The following ITGA7 variants were observed in gnomAD, a reference collection of about 807,000 sequenced individuals.
The protein encoded by ITGA7 is integrin subunit alpha 7, also known as integrin alpha-7.
A neutral mutation model predicts 131.6 loss-of-function variants in ITGA7; 84 were observed. The observed-to-expected ratio is 0.64, with a 90% CI of 0.54 to 0.77. ITGA7 has a LOEUF of 0.77. Among genes scored for constraint, ITGA7 ranks in the 30% least tolerant of loss-of-function variants. The pLI, the probability that ITGA7 is intolerant of heterozygous loss-of-function variation, is 0.00. For missense variants in ITGA7, 1,399 were observed against 1,482.9 expected (o/e 0.94, Z 0.93); for synonymous variants, 548 against 600.7 (o/e 0.91, Z 1.28).
chr12:55,704,790 C>T (rs1186286222), intron 1 of ITGA7, among the ~76,000 whole-genome samples: 5 of 152,164 alleles, frequency 3.3e-5, no homozygotes, highest in Non-Finnish European at 5.9e-5. Flanking sequence ...GTCTCTAGAA[C>T]ACTGAGACCA....
At chr12:55,688,397 C>A in intron 22 of ITGA7, 97 bp from the exon 23 acceptor site, 1 of 936,122 alleles carries the variant, frequency 1.1e-6, no homozygotes, top group South Asian at 1.4e-5. Context: ...GTGCCCAACA[C>A]AGAGGATGTT....
Position 55,696,269 on chromosome 12 carries a change from GA to G in ITGA7, c.1887+13del. 6.4e-7 allele frequency: 1 copy of G among 1,560,700 alleles called. No homozygotes were observed. The highest frequency in any genetic ancestry group is 8.7e-7 in the Non-Finnish European group (1 of 1,153,420). ...CAGCTCCTCCCCCTGGGCTAAACCAGAACCCATGCTCACCTCTGCCCGCTGG... is the reference window on the plus strand; with the variant it reads ...CAGCTCCTCCCCCTGGGCTAAACCAGACCCATGCTCACCTCTGCCCGCTGG... On this transcript the variant is annotated intron_variant, in intron 13 of 24. Transcript: ENST00000257879.
chr12:55,695,517 C>A lies in ITGA7; in HGVS notation c.2003+5G>T. 1 of 1,577,776 alleles carries A rather than the reference C, an allele frequency of 6.3e-7. No homozygotes were observed. Among genetic ancestry groups the A allele is most frequent in the Non-Finnish European group, 8.7e-7 (1 of 1,147,262 alleles). ...CACCCCCACCCTGCTCTCTGCCCCC[C>A]TCACATGGGCAGAGGTTGGAATTCC... On this transcript the variant is annotated splice_donor_5th_base_variant and intron_variant, in intron 14 of 24. Transcript: ENST00000257879.
chr12:55,706,205 A>T (rs866111864), intron 1 of ITGA7, among the ~76,000 whole-genome samples: 4 of 152,332 alleles, frequency 2.6e-5, no homozygotes, highest in Middle Eastern at 3.4e-3. Context: ...TGACAGATGG[A>T]GAAGGAGGGA....
chr12:55,700,339 T>C (rs753827329), intron 4 of ITGA7: 1 of 1,610,778 alleles, frequency 6.2e-7, no homozygotes, highest in Non-Finnish European at 8.5e-7. Context: ...GGGACCGTCG[T>C]CCAGGTGTGC....
Position 55,698,027 on chromosome 12 carries a change from C to G in ITGA7, c.1193-1G>C. The G allele has an allele frequency of 6.2e-7, 1 of 1,614,068 alleles. No individual in the cohort carries two copies. The highest frequency in any genetic ancestry group is 8.5e-7 in the Non-Finnish European group (1 of 1,179,940). On this transcript the variant is annotated splice_acceptor_variant, in intron 7 of 24. Transcript: ENST00000257879. LOFTEE classifies it high-confidence loss of function. ...TCAAAGGGGGCACCCACTGCAATAT[C>G]TGCAGGGCACAGGGAAAAGGCAGTC...
At chr12:55,685,733 C>A (rs1869967777) in intron 24 of ITGA7, among the ~76,000 whole-genome samples, 1 of 152,228 alleles carries the variant, frequency 6.6e-6, no homozygotes, top group Non-Finnish European at 1.5e-5. Flanking sequence ...TGTACTTGTA[C>A]CTTGGGCGGC....
rs149028067 is a variant in ITGA7, at chr12:55,697,030, G to A, written c.1606C>T (p.Leu536Phe). The A allele has an allele frequency of 1.4e-4, 231 of 1,614,070 alleles. No individual in the cohort carries two copies. In the African/African-American group the frequency reaches 2.7e-3, roughly 19 times the overall value. ...GTCACACGGGGAACCTGGCCCCGGA[G>A]CCTCCGGTCTGTGTCCGCATCTAAC... ...YVLDADTDRR[L>F]RGQVPRVTFL... Residue 536 changes from leucine to phenylalanine, a missense_variant, in exon 12 of 25, where the codon CTC becomes TTC. Coordinates refer to ENST00000257879, the MANE Select transcript of ITGA7 (RefSeq NM_002206.3).
At chr12:55,688,117 G>A in intron 23 of ITGA7, 21 bp from the exon 24 acceptor site, 1 of 1,614,170 alleles carries the variant, frequency 6.2e-7, no homozygotes, top group Non-Finnish European at 8.5e-7. Flanking sequence ...AGGGGTCAAT[G>A]GAGCAAGAGG....
Position 55,698,393 on chromosome 12 carries a change from A to AT in ITGA7, c.1181dup (p.Asp394GlufsTer13). 1 of 1,612,604 alleles carries AT rather than the reference A, an allele frequency of 6.2e-7. No homozygotes were observed. Among genetic ancestry groups the AT allele is most frequent in the South Asian group, 1.1e-5 (1 of 90,900 alleles). ...AGTTCCCCGTCACACCTGGAAAGCCATCTTGGTTGAGGTCCCCCAGGACAG... is the reference window on the plus strand; with the variant it reads ...AGTTCCCCGTCACACCTGGAAAGCCATTCTTGGTTGAGGTCCCCCAGGACAG... On this transcript the variant is annotated frameshift_variant, in exon 7 of 25. Transcript: ENST00000257879. LOFTEE classifies it high-confidence loss of function.
In ITGA7 at chr12:55,697,506, C is replaced by T. The variant is rs779005310; in HGVS notation, c.1450G>A (p.Ala484Thr). 6 of 1,614,048 alleles carry T rather than the reference C, an allele frequency of 3.7e-6. No homozygotes were observed. The change falls in exon 10 of 25, where the codon GCT becomes ACT. Residue 484 changes from alanine to threonine, a missense_variant. Transcript: ENST00000257879. ...TGCTCCAGGTCGATGCTTCGTGGAG[C>T]AATAGAGACCTCATGGGAGACATGG... ...ILHVSHEVSIAPRSIDLEQPN... is the reference protein window; with the variant it reads ...ILHVSHEVSITPRSIDLEQPN...
chr12:55,709,714 G>T (rs1228860560), upstream of ITGA7, among the ~76,000 whole-genome samples: 1 of 135,992 alleles, frequency 7.4e-6, no homozygotes, highest in East Asian at 2.1e-4. Context: ...AATGCCTTTA[G>T]AGCCCAAGCT....
intron 21 of ITGA7, among the ~76,000 whole-genome samples, chr12:55,690,085 CA>C (rs1464104432): frequency 6.6e-6 from 1 of 152,098 alleles, no homozygotes; most frequent in African/African-American, 2.4e-5. Context: ...TCTAAAACAC[CA>C]AAAGCAATGG....
chr12:55,686,672 A>G (rs1450464661), intron 24 of ITGA7, among the ~76,000 whole-genome samples: 1 of 152,192 alleles, frequency 6.6e-6, no homozygotes, highest in Non-Finnish European at 1.5e-5. Flanking sequence ...CCGGTGATGT[A>G]TGTGATTCCG....
At position 55,698,644 on chromosome 12, in the gene ITGA7, G is replaced by T. The variant is rs11171658; in HGVS notation, c.998+66C>A. 19,329 of 1,610,120 alleles carry T rather than the reference G, an allele frequency of 0.012. 165 individuals are homozygous for T. The highest frequency in any genetic ancestry group is 0.014 in the Non-Finnish European group (16,846 of 1,176,412). On this transcript the variant is annotated intron_variant, in intron 6 of 24. Coordinates refer to ENST00000257879, the MANE Select transcript of ITGA7 (RefSeq NM_002206.3). ...AGAGGAGCCAGCAGGAGGCTAAGTG[G>T]CCTCAGCCAGACTGGGGCTACTAGA...
chr12:55,694,984 C>T lies in ITGA7; in HGVS notation c.2004-14G>A. The T allele has an allele frequency of 6.2e-7, 1 of 1,611,716 alleles. No individual in the cohort carries two copies. Among genetic ancestry groups the T allele is most frequent in the East Asian group, 2.2e-5 (1 of 44,862 alleles). On this transcript the variant is annotated splice_polypyrimidine_tract_variant and intron_variant, in intron 14 of 24. Transcript: ENST00000257879. The surrounding 1 kb of genome is among the most constrained non-coding windows in gnomAD (Gnocchi z 5.3). ...CCATCCACATCCCTGGAGAGTCAGACCCCACTCCTGCTAAGTTCTGAACAC... is the reference window on the plus strand; with the variant it reads ...CCATCCACATCCCTGGAGAGTCAGATCCCACTCCTGCTAAGTTCTGAACAC...
chr12:55,716,341 G>A, upstream of ITGA7: 2 of 1,475,180 alleles, frequency 1.4e-6, no homozygotes, highest in Non-Finnish European at 1.8e-6. Flanking sequence ...TTTCAGAGAG[G>A]CTTTTTTTGA....
upstream of ITGA7, chr12:55,712,193 G>A (rs12578814): frequency 0.22 from 342,543 of 1,550,438 alleles, 40,056 homozygotes; most frequent in East Asian, 0.33. Context: ...CAGCTTGACC[G>A]CTCCGGTCTT....
Position 55,707,879 on chromosome 12 carries a change from A to G in ITGA7, c.-197T>C. 4 of 1,411,400 alleles carry G rather than the reference A, an allele frequency of 2.8e-6. No individual in the cohort carries two copies. Among genetic ancestry groups the G allele is most frequent in the Non-Finnish European group, 3.7e-6 (4 of 1,089,814 alleles). The allele number at this position is 1,411,400 out of a possible 1,614,324, so 87.4% of individuals were successfully genotyped here. A position where few individuals can be genotyped will look rare whatever the true frequency, so the allele number is the denominator to read the frequency against. ...CGCCCCAGCACCGGCTAGGACAACT[A>G]CAGCAGCCGCAGCTCCGGCGCCCAC... On this transcript the variant is annotated 5_prime_UTR_variant, in exon 1 of 25. Coordinates refer to ENST00000257879, the MANE Select transcript of ITGA7 (RefSeq NM_002206.3).
Sources: gnomAD v4.1 joint callset for allele counts (sites outside exome capture counted in the v4.1 genomes callset) on GRCh38, gnomAD v4.1.1 for gene constraint, Gnocchi (gnomAD v3.1) non-coding constraint, MANE v1.5 for transcripts, NCBI Gene and HGNC (gene_info 2026-07-23, HGNC 2026-07-21) for gene names.